NETO1: variants seen among roughly 807,000 people sequenced by gnomAD.
The protein encoded by NETO1 is neuropilin and tolloid-like protein 1.
Under a neutral mutation model 61.3 loss-of-function variants are expected in NETO1, and 26 were observed. That is an observed-to-expected ratio of 0.42 (90% CI 0.31 to 0.59). The LOEUF (loss-of-function observed/expected upper bound fraction) is 0.59, where lower values mean the gene tolerates loss of function less well. Among genes scored for constraint, NETO1 ranks in the 20% least tolerant of loss-of-function variants. The probability of loss-of-function intolerance (pLI) is 0.12; values close to 1 mark genes in which losing one functional copy is unlikely to be tolerated. For missense variants in NETO1, 531 were observed against 662.8 expected, an observed-to-expected ratio of 0.80 and a Z score of 2.18; for synonymous variants, 225 against 225.8, an observed-to-expected ratio of 1.00 and a Z score of 0.03.
rs1352681145 is a variant in NETO1, at chr18:72,743,774, ATGTTT to A, written c.*4400_*4404del. 4.6e-5 allele frequency: 7 copies of A among 152,160 alleles called. No homozygotes were observed. Among genetic ancestry groups the A allele is most frequent in the African/African-American group, 1.4e-4 (6 of 41,444 alleles). 9.4% of individuals were successfully genotyped at this position (152,160 alleles called of 1,614,324 possible). A position where few individuals can be genotyped will look rare whatever the true frequency, so the allele number is the denominator to read the frequency against. On this transcript the variant is annotated 3_prime_UTR_variant, in exon 11 of 11. Coordinates refer to ENST00000327305, the MANE Select transcript of NETO1 (RefSeq NM_138966.5). Reference sequence around the variant, plus strand: ...AATTTGATAATGTGATATAAAAAGAATGTTTTATTTTAAATAATTTATACATTGTT... The same window carrying A: ...AATTTGATAATGTGATATAAAAAGAATATTTTAAATAATTTATACATTGTT...
rs17086312 is a variant in NETO1, at chr18:72,794,087, G to C, written c.639+30C>G. 4.4e-3 allele frequency: 7,143 copies of C among 1,613,970 alleles called. 207 individuals are homozygous for C. The South Asian group carries it at 0.051, about 12-fold the overall frequency. ...TTATAGACACTTCTCAACGTCAGCT[G>C]TCAAGTGTGGGTTTCATCTTAAGAC... On this transcript the variant is annotated intron_variant, in intron 6 of 10. Coordinates refer to ENST00000327305, the MANE Select transcript of NETO1 (RefSeq NM_138966.5).
chr18:72,867,517 G>A lies in NETO1; in HGVS notation c.-226C>T. ...CCGCCCCGGGCGGGCTCTCGCTCTCGCTGGCCCTCAGCGCCGCGCAGCCAG... is the reference window on the plus strand; with the variant it reads ...CCGCCCCGGGCGGGCTCTCGCTCTCACTGGCCCTCAGCGCCGCGCAGCCAG... On this transcript the variant is annotated 5_prime_UTR_variant, in exon 1 of 11. The change creates a premature stop within an existing upstream ORF in the 5' untranslated region. Transcript: ENST00000327305. The A allele has an allele frequency of 5.1e-6, 2 of 388,432 alleles. No individual in the cohort carries two copies. The highest frequency in any genetic ancestry group is 3.7e-5 in the East Asian group (1 of 27,394). The allele number at this position is 388,432 out of a possible 1,614,324, so 24.1% of individuals were successfully genotyped here.
Position 72,867,282 on chromosome 18 carries a change from C to A in NETO1, c.10G>T (p.Gly4Trp). The change falls in exon 1 of 11, where the codon GGG becomes TGG. Residue 4 changes from glycine (G) to tryptophan (W), a missense_variant. Transcript: ENST00000327305. ...TACTCACTGTGAAGCACGCTGCGCC[C>A]ATGGATCATGTCTGTGCGTTACACC... MIH[G>W]RSVLHIVASL... 1 of 1,573,058 alleles carries A rather than the reference C, an allele frequency of 6.4e-7. No individual in the cohort carries two copies. Among genetic ancestry groups the A allele is most frequent in the Non-Finnish European group, 8.6e-7 (1 of 1,160,146 alleles).
intron 4 of NETO1, among the ~76,000 whole-genome samples, chr18:72,839,110 A>G (rs1349163748): frequency 6.6e-6 from 1 of 152,216 alleles, no homozygotes; most frequent in African/African-American, 2.4e-5. Context: ...GTCAAAAGAA[A>G]GTTAATAAAA....
intron 4 of NETO1, among the ~76,000 whole-genome samples, chr18:72,808,403 T>C (rs570109743): frequency 1.4e-5 from 2 of 141,736 alleles, no homozygotes; most frequent in African/African-American, 5.2e-5. Flanking sequence ...TTGGAAGCAG[T>C]GGTGGCACTG....
intron 8 of NETO1, chr18:72,752,038 G>T (rs548485603): frequency 6.6e-6 from 1 of 152,256 alleles, no homozygotes; most frequent in Non-Finnish European, 1.5e-5. Flanking sequence ...TGGGAATACC[G>T]AGTGCTGTAT....
At chr18:72,818,836 T>C (rs2073104139) in intron 4 of NETO1, among the ~76,000 whole-genome samples, 2 of 152,206 alleles carry the variant, frequency 1.3e-5, no homozygotes, top group Non-Finnish European at 1.5e-5. Flanking sequence ...ACTCTCACAA[T>C]AGTCACTGCA....
At position 72,821,085 on chromosome 18, in the gene NETO1, C is replaced by T. The variant is rs553394709; in HGVS notation, c.470-26681G>A. Among the ~76,000 whole-genome samples, 3 of 152,112 alleles carry T rather than the reference C, an allele frequency of 2.0e-5. No individual in the cohort carries two copies. In the South Asian group the frequency reaches 6.2e-4, roughly 32 times the overall value. The stretch of plus-strand genomic sequence containing the variant: ...TCTACTCCTGCGTATCTCTTCTGCC[C>T]ATCTCTTGCCTGGGAAACAGCTCTT... On this transcript the variant is annotated intron_variant, in intron 4 of 10. Transcript: ENST00000327305.
At chr18:72,776,323 C>G (rs1486722648) in intron 7 of NETO1, among the ~76,000 whole-genome samples, 1 of 152,160 alleles carries the variant, frequency 6.6e-6, no homozygotes, top group Non-Finnish European at 1.5e-5. Context: ...AACATCAAGC[C>G]GTTAGGTATT....
chr18:72,816,389 G>A (rs553442434), intron 4 of NETO1, among the ~76,000 whole-genome samples: 1 of 152,222 alleles, frequency 6.6e-6, no homozygotes, highest in Non-Finnish European at 1.5e-5. Context: ...AAATTTCAAA[G>A]GCTGTTACAC....
At chr18:72,843,695 T>A (rs1302388133) in intron 4 of NETO1, among the ~76,000 whole-genome samples, 1 of 152,152 alleles carries the variant, frequency 6.6e-6, no homozygotes, top group Non-Finnish European at 1.5e-5. Context: ...AACGTCCCTC[T>A]GTAGGAGAAA....
chr18:72,862,497 A>G (rs564039234), intron 3 of NETO1, among the ~76,000 whole-genome samples: 1 of 152,188 alleles, frequency 6.6e-6, no homozygotes, highest in Admixed American at 6.5e-5. Flanking sequence ...TTTCCCGTCT[A>G]TATTTCTTTT....
rs755550214 is a variant in NETO1 at position 72,865,233 on chromosome 18, T to C, written c.37A>G (p.Ser13Gly). 1.2e-6 allele frequency: 2 copies of C among 1,612,540 alleles called. No individual in the cohort carries two copies. Among genetic ancestry groups the C allele is most frequent in the Non-Finnish European group, 1.7e-6 (2 of 1,179,096 alleles). The change falls in exon 2 of 11, where the codon AGT becomes GGT. Residue 13 changes from serine to glycine, a missense_variant. By Grantham distance (56) the Ser-to-Gly change is moderately conservative (BLOSUM62 0). Transcript: ENST00000327305. ...HGRSVLHIVA[S>G]LIILHLSGAT... is the part of the protein sequence containing the mutation. ...CCAGACAAATGGAGGATGATTAAACTTGCTACAACTGAAACAGAAAAGAAA... is the reference window on the plus strand; with the variant it reads ...CCAGACAAATGGAGGATGATTAAACCTGCTACAACTGAAACAGAAAAGAAA...
At chr18:72,778,982 A>T (rs569759911) in intron 7 of NETO1, among the ~76,000 whole-genome samples, 2 of 152,320 alleles carry the variant, frequency 1.3e-5, no homozygotes, top group East Asian at 3.9e-4. Context: ...TGTAAACAAC[A>T]TTAAAAATTC....
At chr18:72,821,479 C>A (rs1287146910) in intron 4 of NETO1, among the ~76,000 whole-genome samples, 1 of 148,928 alleles carries the variant, frequency 6.7e-6, no homozygotes, top group Non-Finnish European at 1.5e-5. Context: ...GCAGGAGAAT[C>A]GCTTGAACCT....
At chr18:72,758,983 A>ATC (rs1233985470) in intron 7 of NETO1, among the ~76,000 whole-genome samples, 5 of 152,170 alleles carry the variant, frequency 3.3e-5, no homozygotes, top group Admixed American at 3.3e-4. Context: ...TATTGTCTGA[A>ATC]TCTCTCTCTC....
At chr18:72,786,757 A>G (rs556126998) in intron 6 of NETO1, among the ~76,000 whole-genome samples, 1 of 152,222 alleles carries the variant, frequency 6.6e-6, no homozygotes, top group South Asian at 2.1e-4. Flanking sequence ...ATATGCATCT[A>G]AAAATGTTAA....
chr18:72,796,935 A>G (rs1338737755), intron 4 of NETO1, among the ~76,000 whole-genome samples: 1 of 152,204 alleles, frequency 6.6e-6, no homozygotes, highest in East Asian at 1.9e-4. Flanking sequence ...ATAAATACAT[A>G]TTTAACACCT....
chr18:72,798,296 A>G (rs1335009746), intron 4 of NETO1, among the ~76,000 whole-genome samples: 1 of 152,172 alleles, frequency 6.6e-6, no homozygotes, highest in Non-Finnish European at 1.5e-5. Flanking sequence ...CGAGGGATCT[A>G]GGGTGCACGC....
Sources: gnomAD v4.1 joint callset for allele counts (sites outside exome capture counted in the v4.1 genomes callset) on GRCh38, gnomAD v4.1.1 for gene constraint, MANE v1.5 for transcripts, NCBI Gene and HGNC (gene_info 2026-07-23, HGNC 2026-07-21) for gene names.